PLAC1: variants seen among roughly 807,000 people sequenced by gnomAD.
PLAC1 encodes the protein placenta-specific protein 1.
For synonymous variants in PLAC1, 68 were observed against 62.1 expected (o/e 1.09, Z -0.44); for missense variants, 136 against 163.2 (o/e 0.83, Z 0.91).
intron 2 of PLAC1, among the ~76,000 whole-genome samples, chrX:134,692,240 A>T (rs1365495048): frequency 9.0e-6 from 1 of 111,548 alleles, no homozygotes; most frequent in Non-Finnish European, 1.9e-5. Flanking sequence ...TTAGAAAAAA[A>T]GTTTCCTTTG....
intron 1 of PLAC1, among the ~76,000 whole-genome samples, chrX:134,620,479 G>T (rs34082674): frequency 1.8e-5 from 2 of 112,315 alleles, no homozygotes; most frequent in African/African-American, 3.2e-5. Flanking sequence ...AAGGTGCTTA[G>T]TTGTAAGTCA....
chrX:134,676,436 G>A (rs2078475499), intron 2 of PLAC1, among the ~76,000 whole-genome samples: 1 of 111,982 alleles, frequency 8.9e-6, no homozygotes, highest in Admixed American at 9.4e-5. Flanking sequence ...TTCGTCGCCC[G>A]TGGCTTTGCT....
At chrX:134,613,742 T>C (rs1173665810) in intron 1 of PLAC1, among the ~76,000 whole-genome samples, 1 of 110,730 alleles carries the variant, frequency 9.0e-6, no homozygotes, top group Non-Finnish European at 1.9e-5. Flanking sequence ...ATCCTTCCCC[T>C]TTCTCTGTTT....
chrX:134,763,382 T>C (rs1261579364), intron 1 of PLAC1, among the ~76,000 whole-genome samples: 1 of 111,853 alleles, frequency 8.9e-6, no homozygotes, highest in Non-Finnish European at 1.9e-5. Context: ...GGAGTTCTAA[T>C]CACTTTTTTA....
At position 134,761,083 on chromosome X, in the gene PLAC1, G is replaced by A. The variant is rs368175125; in HGVS notation, n.89+3151C>T. On this transcript the variant is annotated intron_variant and non_coding_transcript_variant, in intron 1 of 2. Coordinates refer to the PLAC1 transcript ENST00000466797. ...TACCCATAGGCTCATGAGAAAAAATGAATAATTGTTTTAAGTCACTTAGGT... is the reference window on the plus strand; with the variant it reads ...TACCCATAGGCTCATGAGAAAAAATAAATAATTGTTTTAAGTCACTTAGGT... 6.3e-5 allele frequency among the ~76,000 whole-genome samples: 7 copies of A among 111,579 alleles called. No homozygotes were observed. The South Asian group carries it at 2.6e-3, about 42-fold the overall frequency.
At chrX:134,705,009 T>TAC (rs916352940) in intron 2 of PLAC1, among the ~76,000 whole-genome samples, 1 of 97,778 alleles carries the variant, frequency 1.0e-5, no homozygotes, top group African/African-American at 4.1e-5. Flanking sequence ...ATTATATATA[T>TAC]ATATATATAT....
At chrX:134,628,381 T>C (rs1396933152) in intron 1 of PLAC1, among the ~76,000 whole-genome samples, 1 of 112,032 alleles carries the variant, frequency 8.9e-6, no homozygotes, top group African/African-American at 3.2e-5. Flanking sequence ...ATCCACGACC[T>C]TCAGGAGTTT....
intron 1 of PLAC1, among the ~76,000 whole-genome samples, chrX:134,741,922 AAGTGCAG>A (rs2078717950): frequency 9.0e-6 from 1 of 111,297 alleles, no homozygotes; most frequent in African/African-American, 3.3e-5. Context: ...GAAGAAAGCC[AAGTGCAG>A]ATGGAAGTGG....
At chrX:134,716,630 G>A (rs930025440) in intron 2 of PLAC1, among the ~76,000 whole-genome samples, 1 of 112,426 alleles carries the variant, frequency 8.9e-6, no homozygotes, top group East Asian at 2.8e-4. Flanking sequence ...GATTCCCAGA[G>A]GGCCTTCTTC....
At chrX:134,671,928 T>C (rs1297357670) in intron 2 of PLAC1, among the ~76,000 whole-genome samples, 1 of 111,721 alleles carries the variant, frequency 9.0e-6, no homozygotes, top group Non-Finnish European at 1.9e-5. Context: ...CACAAACCCA[T>C]GGGCAAAGGC....
In PLAC1 at chrX:134,578,888, C is replaced by A. The variant is rs1312857014; in HGVS notation, c.-58-12148G>T. ...GAATTTAAAAGGTTGGGGCTCTGATCCTTGGAACTGCAGTCTATGGAGGCC... is the reference window on the plus strand; with the variant it reads ...GAATTTAAAAGGTTGGGGCTCTGATACTTGGAACTGCAGTCTATGGAGGCC... On this transcript the variant is annotated intron_variant, in intron 2 of 2. Transcript: ENST00000359237. Among the ~76,000 whole-genome samples the A allele has an allele frequency of 4.6e-5, 5 of 109,846 alleles. No individual in the cohort carries two copies. In the East Asian group the frequency reaches 1.4e-3, roughly 32 times the overall value.
At chrX:134,755,000 C>A (rs1370798461) in intron 1 of PLAC1, among the ~76,000 whole-genome samples, 1 of 110,957 alleles carries the variant, frequency 9.0e-6, no homozygotes, top group Non-Finnish European at 1.9e-5. Flanking sequence ...AGAAAGCAGG[C>A]CATTTTAAAG....
At chrX:134,636,449 A>G (rs2078283781) in intron 1 of PLAC1, among the ~76,000 whole-genome samples, 1 of 112,026 alleles carries the variant, frequency 8.9e-6, no homozygotes, top group Non-Finnish European at 1.9e-5. Context: ...GTTCTATCTC[A>G]CAGGATAAAG....
In PLAC1 at chrX:134,600,657, T is replaced by C. The variant is rs180771659; in HGVS notation, c.-59+1394A>G. 1.9e-3 allele frequency among the ~76,000 whole-genome samples: 208 copies of C among 110,726 alleles called. 1 individual carries two copies. Among genetic ancestry groups the C allele is most frequent in the African/African-American group, 6.6e-3 (201 of 30,449 alleles). On this transcript the variant is annotated intron_variant, in intron 2 of 2. Coordinates refer to ENST00000359237, the MANE Select transcript of PLAC1 (RefSeq NM_021796.4). ...CAGAGTGAGACCCGATCTCATTTTT[T>C]TTTTTTTTAAGGATGAAGATTTGAC... is the stretch of plus-strand genomic sequence containing the variant.
rs1369789768 is a variant in PLAC1, at chrX:134,688,620, A to G, written n.174+44815T>C. Among the ~76,000 whole-genome samples, 2 of 112,061 alleles carry G rather than the reference A, an allele frequency of 1.8e-5. 1 individual carries two copies. Among genetic ancestry groups the G allele is most frequent in the Non-Finnish European group, 3.8e-5 (2 of 53,187 alleles). Reference sequence around the variant, plus strand: ...AAATTTATAATTACTCACTTGGGCCAATCCCCACCCTTTCCTTGATGTTTT... The same window carrying G: ...AAATTTATAATTACTCACTTGGGCCGATCCCCACCCTTTCCTTGATGTTTT... On this transcript the variant is annotated intron_variant and non_coding_transcript_variant, in intron 2 of 2. Transcript: ENST00000466797.
chrX:134,605,392 C>T (rs947925237), intron 1 of PLAC1, among the ~76,000 whole-genome samples: 2 of 112,199 alleles, frequency 1.8e-5, no homozygotes, highest in African/African-American at 6.5e-5. Context: ...CAGCTCTCCC[C>T]GCAATGCTAT....
intron 2 of PLAC1, among the ~76,000 whole-genome samples, chrX:134,569,801 T>G (rs1344531011): frequency 9.6e-6 from 1 of 103,900 alleles, no homozygotes; most frequent in Non-Finnish European, 1.9e-5. Flanking sequence ...TGTGTGTGTG[T>G]GTGTGTGTTG....
At chrX:134,686,976 G>A (rs1326272775) in intron 2 of PLAC1, among the ~76,000 whole-genome samples, 1 of 111,664 alleles carries the variant, frequency 9.0e-6, no homozygotes, top group Non-Finnish European at 1.9e-5. Flanking sequence ...CTAACAAGGG[G>A]TAAATGCAAA....
At chrX:134,742,249 C>T (rs757445950) in intron 1 of PLAC1, among the ~76,000 whole-genome samples, 9 of 113,167 alleles carry the variant, frequency 8.0e-5, no homozygotes, top group Non-Finnish European at 1.1e-4. Flanking sequence ...ACTGAGAGCA[C>T]AGGACTGTGG....
Sources: gnomAD v4.1 joint callset for allele counts (sites outside exome capture counted in the v4.1 genomes callset) on GRCh38, gnomAD v4.1.1 for gene constraint, MANE v1.5 for transcripts, NCBI Gene and HGNC (gene_info 2026-07-23, HGNC 2026-07-21) for gene names.